The following CDH9 variants were observed in gnomAD, a reference collection of about 807,000 sequenced individuals.
CDH9 encodes the protein cadherin-9.
A neutral mutation model predicts 70.9 loss-of-function variants in CDH9; 28 were observed. That is an observed-to-expected ratio of 0.40 (90% CI 0.29 to 0.54). The LOEUF (loss-of-function observed/expected upper bound fraction) is 0.54. CDH9 is among the 20% of genes least tolerant of loss of function. The pLI, the probability that CDH9 is intolerant of heterozygous loss-of-function variation, is 0.59. For missense variants in CDH9, 874 were observed against 984.4 expected, an observed-to-expected ratio of 0.89 and a Z score of 1.50; for synonymous variants, 409 against 343.1, an observed-to-expected ratio of 1.19 and a Z score of -2.12.
At chr5:26,983,556 A>C (rs1411537675) in intron 2 of CDH9, among the ~76,000 whole-genome samples, 1 of 152,186 alleles carries the variant, frequency 6.6e-6, no homozygotes, top group Non-Finnish European at 1.5e-5. Flanking sequence ...AACTCGCCTC[A>C]GTATGCTGTC....
chr5:27,019,843 C>G (rs1336736159), intron 1 of CDH9, among the ~76,000 whole-genome samples: 1 of 151,778 alleles, frequency 6.6e-6, no homozygotes, highest in African/African-American at 2.4e-5. Context: ...AGAGTCATTT[C>G]TCTACATGCA....
chr5:26,994,449 G>GAAC (rs1742634033), intron 1 of CDH9, among the ~76,000 whole-genome samples: 1 of 152,118 alleles, frequency 6.6e-6, no homozygotes, highest in Non-Finnish European at 1.5e-5. Flanking sequence ...TCATGAGAGT[G>GAAC]GAGTCTCTAA....
At chr5:27,017,918 G>GCT (rs1554004523) in intron 1 of CDH9, among the ~76,000 whole-genome samples, 1 of 151,298 alleles carries the variant, frequency 6.6e-6, no homozygotes, top group African/African-American at 2.4e-5. Context: ...AGTATACATT[G>GCT]TTTTTTTATT....
chr5:26,997,108 T>C (rs1014004029), intron 1 of CDH9, among the ~76,000 whole-genome samples: 1 of 152,112 alleles, frequency 6.6e-6, no homozygotes, highest in South Asian at 2.1e-4. Context: ...AAATATGATA[T>C]GTATAGAATA....
intron 1 of CDH9, among the ~76,000 whole-genome samples, chr5:26,994,090 C>T (rs1451171978): frequency 6.6e-6 from 1 of 152,034 alleles, no homozygotes; most frequent in Non-Finnish European, 1.5e-5. Flanking sequence ...ATTGCTTATC[C>T]CATTATTGTA....
chr5:27,023,838 G>A (rs1743179523), intron 1 of CDH9, among the ~76,000 whole-genome samples: 1 of 151,826 alleles, frequency 6.6e-6, no homozygotes. Flanking sequence ...GATCACCTGA[G>A]GTCAGGAGTT....
chr5:26,934,821 T>C (rs1741530357), intron 2 of CDH9, among the ~76,000 whole-genome samples: 1 of 151,454 alleles, frequency 6.6e-6, no homozygotes, highest in Non-Finnish European at 1.5e-5. Flanking sequence ...TATCCAACAT[T>C]TAAGAAAGAA....
intron 1 of CDH9, among the ~76,000 whole-genome samples, chr5:27,001,836 A>ACTCTCTCTCT (rs1422833082): frequency 2.1e-4 from 26 of 124,790 alleles, no homozygotes; most frequent in African/African-American, 9.4e-4. Flanking sequence ...ACATACACAC[A>ACTCTCTCTCT]CACACACACT....
At chr5:26,906,441 T>C (rs1274334916) in intron 4 of CDH9, among the ~76,000 whole-genome samples, 2 of 152,178 alleles carry the variant, frequency 1.3e-5, no homozygotes, top group African/African-American at 4.8e-5. Context: ...AAGTTTTGAG[T>C]ATTCTCTATG....
intron 1 of CDH9, among the ~76,000 whole-genome samples, chr5:27,000,959 G>A (rs577756761): frequency 1.8e-4 from 28 of 152,042 alleles, no homozygotes; most frequent in Non-Finnish European, 4.0e-4. Context: ...GGTTTGAAAA[G>A]ACAAGAAGGA....
intron 3 of CDH9, among the ~76,000 whole-genome samples, chr5:26,911,797 G>C (rs1302803847): frequency 6.6e-6 from 1 of 152,046 alleles, no homozygotes; most frequent in Non-Finnish European, 1.5e-5. Flanking sequence ...GAATATGCTA[G>C]TGTATTTCAG....
At chr5:27,028,020 T>G (rs1743249567) in intron 1 of CDH9, among the ~76,000 whole-genome samples, 1 of 152,056 alleles carries the variant, frequency 6.6e-6, no homozygotes, top group Non-Finnish European at 1.5e-5. Context: ...GATTTCAGAA[T>G]AGTTTTGACT....
intron 1 of CDH9, among the ~76,000 whole-genome samples, chr5:27,015,151 T>G (rs1362221503): frequency 6.6e-6 from 1 of 151,894 alleles, no homozygotes; most frequent in Non-Finnish European, 1.5e-5. Flanking sequence ...TTAGAATTAC[T>G]GCACAATTGA....
intron 9 of CDH9, among the ~76,000 whole-genome samples, chr5:26,886,886 C>T (rs1368929625): frequency 6.6e-6 from 1 of 152,132 alleles, no homozygotes; most frequent in Non-Finnish European, 1.5e-5. Context: ...GGTTGCCTCC[C>T]ATCTGTGTGA....
intron 2 of CDH9, among the ~76,000 whole-genome samples, chr5:26,938,054 T>C (rs1422516550): frequency 2.0e-5 from 3 of 152,044 alleles, no homozygotes; most frequent in Admixed American, 6.6e-5. Flanking sequence ...GTATTTATAA[T>C]ATGAAAAATT....
At chr5:26,888,716 T>A (rs1740605352) in intron 9 of CDH9, among the ~76,000 whole-genome samples, 1 of 152,164 alleles carries the variant, frequency 6.6e-6, no homozygotes, top group Admixed American at 6.6e-5. Flanking sequence ...AGAAATGCAT[T>A]TTCTCATAGT....
intron 1 of CDH9, among the ~76,000 whole-genome samples, chr5:27,019,518 A>G (rs539582309): frequency 3.3e-5 from 5 of 151,998 alleles, no homozygotes; most frequent in African/African-American, 1.2e-4. Flanking sequence ...ATCTAGAGTT[A>G]TTTTTTATGA....
At chr5:26,985,422 A>G (rs1342314669) in intron 2 of CDH9, among the ~76,000 whole-genome samples, 1 of 152,122 alleles carries the variant, frequency 6.6e-6, no homozygotes, top group Non-Finnish European at 1.5e-5. Flanking sequence ...ACGTGTCACA[A>G]TTAAGACTAA....
intron 1 of CDH9, among the ~76,000 whole-genome samples, chr5:26,996,176 T>A (rs1433409967): frequency 2.0e-5 from 3 of 151,960 alleles, no homozygotes; most frequent in Admixed American, 2.0e-4. Context: ...TCAGACAAAG[T>A]TTCTCAGCTG....
Sources: gnomAD v4.1 joint callset for allele counts (sites outside exome capture counted in the v4.1 genomes callset) on GRCh38, gnomAD v4.1.1 for gene constraint, MANE v1.5 for transcripts, NCBI Gene and HGNC (gene_info 2026-07-23, HGNC 2026-07-21) for gene names.